The following USP46 variants were observed in gnomAD, a reference collection of about 807,000 sequenced individuals.
USP46 encodes ubiquitin carboxyl-terminal hydrolase 46.
A neutral mutation model predicts 44.4 loss-of-function variants in USP46; 12 were observed. The ratio of observed to expected loss-of-function variants is 0.27; its 90% CI spans 0.17 to 0.44. The LOEUF (loss-of-function observed/expected upper bound fraction) is 0.44. USP46 is among the 20% of genes least tolerant of loss of function. The pLI is 1.00. For synonymous variants in USP46, 155 were observed against 161.5 expected, an observed-to-expected ratio of 0.96 and a Z score of 0.31; for missense variants, 248 against 444.8, an observed-to-expected ratio of 0.56 and a Z score of 3.98.
intron 1 of USP46, among the ~76,000 whole-genome samples, chr4:52,644,507 C>T (rs1406277498): frequency 6.6e-6 from 1 of 152,134 alleles, no homozygotes; most frequent in Non-Finnish European, 1.5e-5. Flanking sequence ...CCGGTCAGAT[C>T]AGCAATAGCA....
intron 4 of USP46, among the ~76,000 whole-genome samples, chr4:52,625,493 G>A (rs773209830): frequency 6.6e-6 from 1 of 152,102 alleles, no homozygotes; most frequent in Non-Finnish European, 1.5e-5. Context: ...TTAACATTAT[G>A]TACCTACCAT....
intron 8 of USP46, 134 bp downstream of exon 8, chr4:52,598,494 T>C: frequency 1.0e-6 from 1 of 1,003,050 alleles, no homozygotes; most frequent in South Asian, 1.5e-5. Flanking sequence ...GAATTTGGTT[T>C]TGAATACAAA....
chr4:52,635,006 C>T (rs1356318974), intron 1 of USP46, among the ~76,000 whole-genome samples: 1 of 152,158 alleles, frequency 6.6e-6, no homozygotes. Flanking sequence ...ATCTGGCCAT[C>T]ACCCTGAAAT....
At chr4:52,658,358 AC>A in intron 1 of USP46, 1 of 445,030 alleles carries the variant, frequency 2.2e-6, no homozygotes, top group Non-Finnish European at 4.5e-6. Flanking sequence ...CTGCATCAGA[AC>A]CCAGTGATGT....
chr4:52,618,412 C>G (rs1046210859), intron 4 of USP46, among the ~76,000 whole-genome samples: 1 of 151,968 alleles, frequency 6.6e-6, no homozygotes, highest in African/African-American at 2.4e-5. Flanking sequence ...AGCGCTTGAA[C>G]CCAGGAAGCA....
chr4:52,612,107 T>C (rs1716958488), intron 4 of USP46, among the ~76,000 whole-genome samples: 1 of 152,106 alleles, frequency 6.6e-6, no homozygotes, highest in Non-Finnish European at 1.5e-5. Context: ...CTTTAAAAAG[T>C]AAGGACTCAA....
At chr4:52,640,154 T>A (rs1718279245) in intron 1 of USP46, among the ~76,000 whole-genome samples, 1 of 152,152 alleles carries the variant, frequency 6.6e-6, no homozygotes, top group Admixed American at 6.5e-5. Flanking sequence ...AAAAGTAAAG[T>A]TACCCTACAG....
rs1224937878 is a variant in USP46 at position 52,593,366 on chromosome 4, C to G, written c.*4274G>C. ...AGTGACCTTCCCAACAGTCTCTGTT[C>G]CAGCTCAGTCAGGTTCAACTGCACT... On this transcript the variant is annotated 3_prime_UTR_variant, in exon 9 of 9. Transcript: ENST00000441222. The G allele has an allele frequency of 6.4e-6, 1 of 156,626 alleles. No individual in the cohort carries two copies. Among genetic ancestry groups the G allele is most frequent in the African/African-American group, 2.4e-5 (1 of 41,704 alleles). The allele number at this position is 156,626 out of a possible 1,614,324, so 9.7% of individuals were successfully genotyped here.
chr4:52,597,845 T>C (rs1229995972), intron 8 of USP46, 104 bp from the exon 9 acceptor site: 1 of 847,972 alleles, frequency 1.2e-6, no homozygotes. Flanking sequence ...GAACACAATT[T>C]GTTATGAAAT....
chr4:52,628,441 T>C, intron 2 of USP46: 1 of 320,198 alleles, frequency 3.1e-6, no homozygotes. Context: ...ATAAAGAGTC[T>C]AACGAGACCT....
intron 1 of USP46, among the ~76,000 whole-genome samples, chr4:52,648,952 T>G (rs921656669): frequency 3.3e-5 from 5 of 152,228 alleles, no homozygotes; most frequent in African/African-American, 1.2e-4. Flanking sequence ...TTAGACAGTT[T>G]CCTGTTGTCC....
At chr4:52,645,816 T>C (rs1003604870) in intron 1 of USP46, among the ~76,000 whole-genome samples, 1 of 152,128 alleles carries the variant, frequency 6.6e-6, no homozygotes, top group Non-Finnish European at 1.5e-5. Flanking sequence ...GGGAGGTGAT[T>C]GGATCATTGG....
At chr4:52,626,387 A>T in intron 3 of USP46, 140 bp from the exon 4 acceptor site, 1 of 704,730 alleles carries the variant, frequency 1.4e-6, no homozygotes, top group Non-Finnish European at 2.3e-6. Context: ...TAGTGGCATG[A>T]TCTCAGTTCA....
rs1429486997 is a variant in USP46 at position 52,594,461 on chromosome 4, A to G, written c.*3179T>C. ...AAATTTAATTAGGCAGAAAAGTAGG[A>G]AATAATTTTCCCTGACCCATGCCAC... is the stretch of plus-strand genomic sequence containing the variant. On this transcript the variant is annotated 3_prime_UTR_variant, in exon 9 of 9. Coordinates refer to ENST00000441222, the MANE Select transcript of USP46 (RefSeq NM_022832.4). 6.6e-6 allele frequency: 1 copy of G among 152,242 alleles called. No individual in the cohort carries two copies. Among genetic ancestry groups the G allele is most frequent in the Non-Finnish European group, 1.5e-5 (1 of 68,042 alleles). 9.4% of individuals were successfully genotyped at this position (152,242 alleles called of 1,614,324 possible).
At chr4:52,631,803 T>C (rs1253490697) in intron 1 of USP46, among the ~76,000 whole-genome samples, 1 of 152,040 alleles carries the variant, frequency 6.6e-6, no homozygotes, top group Non-Finnish European at 1.5e-5. Flanking sequence ...GTCAGGAGTT[T>C]CAAACCAGCC....
chr4:52,634,190 T>G (rs1246452157), intron 1 of USP46, among the ~76,000 whole-genome samples: 1 of 149,822 alleles, frequency 6.7e-6, no homozygotes, highest in East Asian at 2.1e-4. Context: ...CTCGGCTCAC[T>G]GCAACCTCTA....
At chr4:52,652,589 G>C (rs1285053478) in intron 1 of USP46, among the ~76,000 whole-genome samples, 1 of 152,080 alleles carries the variant, frequency 6.6e-6, no homozygotes, top group East Asian at 1.9e-4. Context: ...TCTCTCAATG[G>C]ATAAATAGCA....
intron 6 of USP46, among the ~76,000 whole-genome samples, chr4:52,603,314 T>C (rs1716549760): frequency 6.6e-6 from 1 of 152,230 alleles, no homozygotes; most frequent in African/African-American, 2.4e-5. Context: ...AAAAGGTATC[T>C]ACCTACCTCC....
intron 7 of USP46, among the ~76,000 whole-genome samples, chr4:52,599,163 T>A (rs1716355688): frequency 6.7e-6 from 1 of 149,396 alleles, no homozygotes; most frequent in Admixed American, 6.7e-5. Flanking sequence ...GGGATATGAG[T>A]GATGGGAGGA....
Sources: allele counts gnomAD v4.1 joint callset (sites outside exome capture counted in the v4.1 genomes callset), GRCh38; gene constraint gnomAD v4.1.1; transcripts MANE v1.5; gene names NCBI Gene and HGNC (gene_info 2026-07-23, HGNC 2026-07-21).